Variants in PTTG1IP observed in about 807,000 individuals in gnomAD.
The protein encoded by PTTG1IP is pituitary tumor-transforming gene 1 protein-interacting protein.
Under a neutral mutation model 24.4 loss-of-function variants are expected in PTTG1IP, and 16 were observed. The ratio of observed to expected loss-of-function variants is 0.66; its 90% CI spans 0.44 to 1.00. The LOEUF (loss-of-function observed/expected upper bound fraction) is 1.00. Ranked by LOEUF, PTTG1IP falls within the 50% of genes least tolerant of loss-of-function variation. The probability of loss-of-function intolerance (pLI) is 0.00; values close to 1 mark genes in which losing one functional copy is unlikely to be tolerated. For missense variants in PTTG1IP, 241 were observed against 245.8 expected (o/e 0.98, Z 0.13); for synonymous variants, 89 against 96.8 (o/e 0.92, Z 0.47).
At chr21:44,853,415 G>A (rs1344862085) in intron 5 of PTTG1IP, among the ~76,000 whole-genome samples, 18 of 150,026 alleles carry the variant, frequency 1.2e-4, no homozygotes, top group Admixed American at 1.1e-3. Context: ...GGCTGAGGCA[G>A]AAGAATGGTG....
intron 5 of PTTG1IP, among the ~76,000 whole-genome samples, chr21:44,853,942 G>A (rs926456765): frequency 6.6e-6 from 1 of 152,318 alleles, no homozygotes; most frequent in Admixed American, 6.5e-5. Context: ...GTGGCCTCAG[G>A]TCACAGCACA....
chr21:44,873,636 C>CAGTCAGTG lies in PTTG1IP; in HGVS notation c.-28_-21dup. 1.4e-6 allele frequency: 2 copies of CAGTCAGTG among 1,406,200 alleles called. No individual in the cohort carries two copies. The highest frequency in any genetic ancestry group is 3.0e-5 in the African/African-American group (2 of 66,424). The allele number at this position is 1,406,200 out of a possible 1,614,324, so 87.1% of individuals were successfully genotyped here. A position where few individuals can be genotyped will look rare whatever the true frequency, so the allele number is the denominator to read the frequency against. Reference sequence around the variant, plus strand: ...CGCCATGGTCGGCCGGTCGCTCTATCAGTCAGTGGAGCGTTACAACTCCGA... The same window carrying CAGTCAGTG: ...CGCCATGGTCGGCCGGTCGCTCTATCAGTCAGTGAGTCAGTGGAGCGTTACAACTCCGA... On this transcript the variant is annotated 5_prime_UTR_variant, in exon 1 of 6. Transcript: ENST00000330938.
chr21:44,872,823 T>A (rs235371), intron 1 of PTTG1IP: 1 of 152,234 alleles, frequency 6.6e-6, no homozygotes, highest in African/African-American at 2.4e-5. Flanking sequence ...CAGGGCCTGG[T>A]GCAGACGGGA....
In PTTG1IP at chr21:44,856,320, T is replaced by C. The variant is rs1369311357; in HGVS notation, c.322A>G (p.Thr108Ala). The change falls in exon 4 of 6, where the codon ACC (threonine) becomes GCC (alanine). Residue 108 changes from threonine to alanine, a missense_variant. Physicochemically the swap from Thr to Ala is moderately conservative, Grantham distance 58 (BLOSUM62 0). Coordinates refer to ENST00000330938, the MANE Select transcript of PTTG1IP (RefSeq NM_004339.4). ...LIITMSVVGG[T>A]LLLGIAICCC... is the part of the protein sequence containing the mutation. ...CAGATGGCAATGCCCAGGAGGAGGG[T>C]TCCCCCGACTACCGACATGGTGATG... 1.2e-6 allele frequency: 2 copies of C among 1,613,862 alleles called. No homozygotes were observed. Among genetic ancestry groups the C allele is most frequent in the Admixed American group, 1.7e-5 (1 of 59,994 alleles).
At position 44,851,462 on chromosome 21, in the gene PTTG1IP, G is replaced by A. The variant is rs143718199; in HGVS notation, c.*119C>T. 2 of 1,610,720 alleles carry A rather than the reference G, an allele frequency of 1.2e-6. No individual in the cohort carries two copies. The highest frequency in any genetic ancestry group is 1.7e-6 in the Non-Finnish European group (2 of 1,179,754). ...AGCTCTCCGGCCGCCTGTCCTGGAA[G>A]GCTGGCAGGTTCACTGGCCAAGGTC... is the stretch of plus-strand genomic sequence containing the variant. On this transcript the variant is annotated 3_prime_UTR_variant, in exon 6 of 6. Transcript: ENST00000330938.
At chr21:44,863,127 G>C (rs1481032077) in intron 2 of PTTG1IP, among the ~76,000 whole-genome samples, 30 of 86,712 alleles carry the variant, frequency 3.5e-4, no homozygotes, top group African/African-American at 1.5e-3. Flanking sequence ...GCAGCACAGA[G>C]ACACAGCCCA....
chr21:44,851,057 G>A lies in PTTG1IP; in HGVS notation c.*524C>T. 1 of 312,282 alleles carries A rather than the reference G, an allele frequency of 3.2e-6. No individual in the cohort carries two copies. 19.3% of individuals were successfully genotyped at this position (312,282 alleles called of 1,614,324 possible). A position where few individuals can be genotyped will look rare whatever the true frequency, so the allele number is the denominator to read the frequency against. ...ATCAGACTGTGTACTGGAGCCCCGT[G>A]TCATCAGCAAAAGCCGTGTGAGTCA... On this transcript the variant is annotated 3_prime_UTR_variant, in exon 6 of 6. Transcript: ENST00000330938.
In PTTG1IP at chr21:44,865,633, G is replaced by A. The variant is rs940046741; in HGVS notation, c.116-186C>T. ...AAGCCTTCTTCAAGACATGTGGAAC[G>A]AGTGTTCAGGAACCCCGCTGCAGGC... On this transcript the variant is annotated intron_variant, in intron 1 of 5. Coordinates refer to ENST00000330938, the MANE Select transcript of PTTG1IP (RefSeq NM_004339.4). The A allele has an allele frequency of 7.7e-6, 5 of 647,936 alleles. No homozygotes were observed. The East Asian group carries it at 1.4e-4, about 18-fold the overall frequency. The allele number at this position is 647,936 out of a possible 1,614,324, so 40.1% of individuals were successfully genotyped here. A position where few individuals can be genotyped will look rare whatever the true frequency, so the allele number is the denominator to read the frequency against.
chr21:44,867,368 T>C (rs1669826765), intron 1 of PTTG1IP, among the ~76,000 whole-genome samples: 1 of 150,692 alleles, frequency 6.6e-6, no homozygotes, highest in Middle Eastern at 3.4e-3. Flanking sequence ...TTCGTGGCTA[T>C]GCCGCTCTAG....
At chr21:44,873,108 G>T (rs2083603499) in intron 1 of PTTG1IP, 1 of 153,042 alleles carries the variant, frequency 6.5e-6, no homozygotes, top group Non-Finnish European at 1.5e-5. Flanking sequence ...CCTCGAACAC[G>T]TCGTGAGCCG....
intron 3 of PTTG1IP, among the ~76,000 whole-genome samples, chr21:44,859,348 T>C (rs941772928): frequency 1.3e-5 from 2 of 152,204 alleles, no homozygotes; most frequent in Admixed American, 6.5e-5. Context: ...TGAGTGGTGA[T>C]AACCTGTATA....
intron 5 of PTTG1IP, 99 bp from the exon 6 acceptor site, chr21:44,851,726 G>A: frequency 2.1e-6 from 3 of 1,418,656 alleles, no homozygotes; most frequent in Non-Finnish European, 2.9e-6. Context: ...GATTTACTGA[G>A]GCTATAGCAA....
At chr21:44,857,680 GC>G (rs1386138487) in intron 3 of PTTG1IP, among the ~76,000 whole-genome samples, 2 of 152,240 alleles carry the variant, frequency 1.3e-5, no homozygotes, top group Non-Finnish European at 2.9e-5. Context: ...TGGCAAGGAG[GC>G]CGACGGCCAG....
intron 3 of PTTG1IP, among the ~76,000 whole-genome samples, chr21:44,859,400 T>C (rs1302345555): frequency 6.6e-6 from 1 of 151,584 alleles, no homozygotes; most frequent in Non-Finnish European, 1.5e-5. Flanking sequence ...CACACACGTG[T>C]GCATTATGTA....
chr21:44,861,775 C>G (rs1325827880), intron 2 of PTTG1IP: 4 of 717,492 alleles, frequency 5.6e-6, no homozygotes, highest in Admixed American at 4.0e-5. Context: ...ACACGCCGGG[C>G]ACCTGTGCAC....
rs544720964 is a variant in PTTG1IP at position 44,850,189 on chromosome 21, G to T, written c.*1392C>A. 1.5e-4 allele frequency: 23 copies of T among 152,344 alleles called. No homozygotes were observed. The highest frequency in any genetic ancestry group is 4.3e-4 in the African/African-American group (18 of 41,566). The allele number at this position is 152,344 out of a possible 1,614,324, so 9.4% of individuals were successfully genotyped here. On this transcript the variant is annotated 3_prime_UTR_variant, in exon 6 of 6. Coordinates refer to ENST00000330938, the MANE Select transcript of PTTG1IP (RefSeq NM_004339.4). ...CAGTCTTCTCAGTTTTCATGACTGT[G>T]AAGTGTGAAAATGGAACGCATCCTT... is the stretch of plus-strand genomic sequence containing the variant.
intron 3 of PTTG1IP, among the ~76,000 whole-genome samples, chr21:44,860,895 C>T (rs1322006436): frequency 6.6e-6 from 1 of 152,170 alleles, no homozygotes; most frequent in African/African-American, 2.4e-5. Context: ...ACTCCGCCTC[C>T]CGGGTTCAAG....
chr21:44,857,395 G>A (rs2083457460), intron 3 of PTTG1IP, among the ~76,000 whole-genome samples: 1 of 152,218 alleles, frequency 6.6e-6, no homozygotes, highest in Admixed American at 6.5e-5. Context: ...GCTGAGGTGG[G>A]AGGATCGCTT....
chr21:44,851,036 G>A lies in PTTG1IP; in HGVS notation c.*545C>T. 3.9e-6 allele frequency: 1 copy of A among 258,204 alleles called. No individual in the cohort carries two copies. The highest frequency in any genetic ancestry group is 7.5e-6 in the Non-Finnish European group (1 of 133,930). The allele number at this position is 258,204 out of a possible 1,614,324, so 16.0% of individuals were successfully genotyped here. A position where few individuals can be genotyped will look rare whatever the true frequency, so the allele number is the denominator to read the frequency against. On this transcript the variant is annotated 3_prime_UTR_variant, in exon 6 of 6. Transcript: ENST00000330938. Reference sequence around the variant, plus strand: ...AGGTTAGGACGTTAAGTCCTTATCAGACTGTGTACTGGAGCCCCGTGTCAT... The same window carrying A: ...AGGTTAGGACGTTAAGTCCTTATCAAACTGTGTACTGGAGCCCCGTGTCAT...
Sources: allele counts gnomAD v4.1 joint callset (sites outside exome capture counted in the v4.1 genomes callset), GRCh38; gene constraint gnomAD v4.1.1; transcripts MANE v1.5; gene names NCBI Gene and HGNC (gene_info 2026-07-23, HGNC 2026-07-21).